ADAMTS20: variants seen among roughly 807,000 people sequenced by gnomAD.
The protein encoded by ADAMTS20 is ADAM metallopeptidase with thrombospondin type 1 motif 20, also known as A disintegrin and metalloproteinase with thrombospondin motifs 20.
Under a neutral mutation model 260.1 loss-of-function variants are expected in ADAMTS20, and 225 were observed. The ratio of observed to expected loss-of-function variants is 0.87; its 90% confidence interval spans 0.78 to 0.97. The LOEUF (loss-of-function observed/expected upper bound fraction) is 0.97. Among genes scored for constraint, ADAMTS20 ranks in the 50% least tolerant of loss-of-function variants. The pLI, the probability that ADAMTS20 is intolerant of heterozygous loss-of-function variation, is 0.00. For synonymous variants in ADAMTS20, 802 were observed against 769.5 expected (o/e 1.04, Z -0.70); for missense variants, 2,400 against 2,337.7 (o/e 1.03, Z -0.55).
At chr12:43,540,603 T>TA (rs1943363562) in intron 2 of ADAMTS20, among the ~76,000 whole-genome samples, 1 of 148,766 alleles carries the variant, frequency 6.7e-6, no homozygotes, top group African/African-American at 2.5e-5. Flanking sequence ...AATTTTTTTT[T>TA]AACTTGGAAA....
chr12:43,396,484 TG>T (rs772984847), intron 29 of ADAMTS20, among the ~76,000 whole-genome samples: 3 of 152,184 alleles, frequency 2.0e-5, no homozygotes, highest in Non-Finnish European at 4.4e-5. Context: ...AGCTTGCAAT[TG>T]TTAACTTCGT....
At chr12:43,441,374 A>G (rs2137328354) in intron 16 of ADAMTS20, among the ~76,000 whole-genome samples, 1 of 152,016 alleles carries the variant, frequency 6.6e-6, no homozygotes, top group South Asian at 2.1e-4. Flanking sequence ...ATGTATTAGT[A>G]ACATTACTTT....
intron 28 of ADAMTS20, among the ~76,000 whole-genome samples, chr12:43,401,999 C>T (rs994191720): frequency 1.3e-5 from 2 of 151,954 alleles, no homozygotes; most frequent in Non-Finnish European, 2.9e-5. Flanking sequence ...TAATAATTAT[C>T]CTTAAAGCCC....
intron 4 of ADAMTS20, among the ~76,000 whole-genome samples, chr12:43,493,817 T>G (rs1203830305): frequency 6.6e-6 from 1 of 152,196 alleles, no homozygotes; most frequent in Non-Finnish European, 1.5e-5. Context: ...TGGTTATTAT[T>G]TTTAAAGTTT....
chr12:43,540,072 C>T (rs563079517), intron 2 of ADAMTS20, among the ~76,000 whole-genome samples: 4 of 151,946 alleles, frequency 2.6e-5, no homozygotes, highest in Non-Finnish European at 4.4e-5. Flanking sequence ...TTAGTAGAGA[C>T]GGGGTTTCAC....
intron 8 of ADAMTS20, among the ~76,000 whole-genome samples, chr12:43,467,639 A>C (rs1160983522): frequency 2.6e-4 from 39 of 152,032 alleles, no homozygotes; most frequent in Non-Finnish European, 5.9e-5. Flanking sequence ...TGCCACCCAG[A>C]TGTTGCCGCA....
intron 4 of ADAMTS20, among the ~76,000 whole-genome samples, chr12:43,493,907 G>T (rs956900810): frequency 6.6e-6 from 1 of 152,138 alleles, no homozygotes; most frequent in African/African-American, 2.4e-5. Flanking sequence ...TCACAACCTG[G>T]TCCTCAATTT....
Position 43,377,371 on chromosome 12 carries a change from C to A in ADAMTS20, c.4989G>T (p.Trp1663Cys). ...TTCATAATTGTACACCGACCTTGCT[C>A]CATTTTCCAACTTTCCAAGTGGCCA... is the stretch of plus-strand genomic sequence containing the variant. ...LHLATWKVGK[W>C]SKCSVTCGIG... Residue 1663 changes from tryptophan (W) to cysteine (C), a missense_variant, in exon 32 of 39, where the codon TGG becomes TGT. Transcript: ENST00000389420. The A allele has an allele frequency of 1.2e-6, 2 of 1,610,750 alleles. No individual in the cohort carries two copies. Among genetic ancestry groups the A allele is most frequent in the Non-Finnish European group, 1.7e-6 (2 of 1,178,110 alleles).
chr12:43,464,797 A>G, intron 9 of ADAMTS20, 65 bp from the exon 10 acceptor site: 1 of 1,499,722 alleles, frequency 6.7e-7, no homozygotes, highest in South Asian at 1.3e-5. Flanking sequence ...ATGATTCTTT[A>G]TCACATTTTT....
At chr12:43,407,669 A>C (rs1481856399) in intron 28 of ADAMTS20, among the ~76,000 whole-genome samples, 1 of 152,094 alleles carries the variant, frequency 6.6e-6, no homozygotes, top group Non-Finnish European at 1.5e-5. Context: ...ACAAGAAATC[A>C]TCCTAGTGAG....
intron 14 of ADAMTS20, among the ~76,000 whole-genome samples, chr12:43,450,733 C>A (rs1393389299): frequency 1.3e-5 from 2 of 151,978 alleles, no homozygotes; most frequent in Non-Finnish European, 2.9e-5. Flanking sequence ...TATTTTTTAT[C>A]TTTTATTTTC....
At chr12:43,519,766 G>C (rs1372764460) in intron 3 of ADAMTS20, among the ~76,000 whole-genome samples, 1 of 152,134 alleles carries the variant, frequency 6.6e-6, no homozygotes, top group South Asian at 2.1e-4. Flanking sequence ...TTCCTTCAGA[G>C]TTAGTACTCA....
At chr12:43,481,440 A>G (rs1942440600) in intron 7 of ADAMTS20, among the ~76,000 whole-genome samples, 1 of 152,246 alleles carries the variant, frequency 6.6e-6, no homozygotes, top group African/African-American at 2.4e-5. Flanking sequence ...TTCCTTTTAA[A>G]ATCCAGAAAC....
chr12:43,508,577 G>A (rs1942877301), intron 3 of ADAMTS20, among the ~76,000 whole-genome samples: 1 of 151,294 alleles, frequency 6.6e-6, no homozygotes, highest in South Asian at 2.1e-4. Flanking sequence ...CTGGGGACCT[G>A]GTTCAGAGTG....
chr12:43,428,816 A>T lies in ADAMTS20; in HGVS notation c.3490-17T>A. 1 of 1,588,282 alleles carries T rather than the reference A, an allele frequency of 6.3e-7. No individual in the cohort carries two copies. On this transcript the variant is annotated splice_polypyrimidine_tract_variant and intron_variant, in intron 24 of 38. Transcript: ENST00000389420. ...TACGGAGCACTTTTTAAGAAATCAA[A>T]TTGTATCCGGGCATTATACAGTAGT... is the stretch of plus-strand genomic sequence containing the variant.
chr12:43,360,276 C>A (rs1363337286), intron 37 of ADAMTS20, among the ~76,000 whole-genome samples: 1 of 152,006 alleles, frequency 6.6e-6, no homozygotes. Flanking sequence ...GGGTGAAACC[C>A]TGTCTCCACT....
chr12:43,537,882 G>GTA (rs1204137959), intron 2 of ADAMTS20, among the ~76,000 whole-genome samples: 2 of 152,168 alleles, frequency 1.3e-5, no homozygotes, highest in African/African-American at 4.8e-5. Context: ...ACTCCATTGA[G>GTA]TATATGTACC....
At chr12:43,426,850 T>C (rs1024352548) in intron 27 of ADAMTS20, among the ~76,000 whole-genome samples, 1 of 152,182 alleles carries the variant, frequency 6.6e-6, no homozygotes, top group Non-Finnish European at 1.5e-5. Context: ...ATCTAGAATA[T>C]GCATTTTTTA....
chr12:43,458,870 C>T (rs1345036377), intron 11 of ADAMTS20, among the ~76,000 whole-genome samples: 1 of 152,194 alleles, frequency 6.6e-6, no homozygotes, highest in Non-Finnish European at 1.5e-5. Flanking sequence ...CTGCATCCAC[C>T]TTTAAATACA....
Sources: gnomAD v4.1 joint callset for allele counts (sites outside exome capture counted in the v4.1 genomes callset) on GRCh38, gnomAD v4.1.1 for gene constraint, MANE v1.5 for transcripts, NCBI Gene and HGNC (gene_info 2026-07-23, HGNC 2026-07-21) for gene names.